PTCHD4: variants seen among roughly 807,000 people sequenced by gnomAD.
PTCHD4 encodes the protein patched domain-containing protein 4.
A neutral mutation model predicts 58.1 loss-of-function variants in PTCHD4; 33 were observed. The ratio of observed to expected loss-of-function variants is 0.57; its 90% confidence interval spans 0.43 to 0.76. The LOEUF is 0.76. Among genes scored for constraint, PTCHD4 ranks in the 30% least tolerant of loss-of-function variants. The pLI is 0.00. For synonymous variants in PTCHD4, 478 were observed against 409.6 expected, an observed-to-expected ratio of 1.17 and a Z score of -2.02; for missense variants, 1,058 against 1,027.1, an observed-to-expected ratio of 1.03 and a Z score of -0.41.
chr6:47,959,951 T>C (rs893808898), intron 4 of PTCHD4, among the ~76,000 whole-genome samples: 2 of 152,076 alleles, frequency 1.3e-5, no homozygotes, highest in Non-Finnish European at 2.9e-5. Context: ...CCCAGAGTTT[T>C]TCTTCTTATT....
At chr6:48,088,196 T>C (rs1765298404) in intron 1 of PTCHD4, among the ~76,000 whole-genome samples, 1 of 152,178 alleles carries the variant, frequency 6.6e-6, no homozygotes, top group Non-Finnish European at 1.5e-5. Context: ...CAATATTCTT[T>C]GTGTTTTTTA....
At chr6:48,062,838 A>G (rs1241455292) in intron 3 of PTCHD4, among the ~76,000 whole-genome samples, 3 of 152,176 alleles carry the variant, frequency 2.0e-5, no homozygotes, top group African/African-American at 7.2e-5. Flanking sequence ...ATGTGGTAGA[A>G]TGGTACCTAA....
At chr6:47,996,332 G>C (rs993067641) in intron 4 of PTCHD4, among the ~76,000 whole-genome samples, 2 of 152,062 alleles carry the variant, frequency 1.3e-5, no homozygotes, top group Non-Finnish European at 2.9e-5. Flanking sequence ...AAAATTAGCC[G>C]GGTGTGGTGT....
At position 47,858,283 on chromosome 6, in the gene PTCHD4, T is replaced by A. The variant is rs1158302680; in HGVS notation, c.*20020A>T. On this transcript the variant is annotated 3_prime_UTR_variant, in exon 5 of 5. Coordinates refer to ENST00000339488, the MANE Select transcript of PTCHD4 (RefSeq NM_001384253.1). Reference sequence around the variant, plus strand: ...ATAAGAAGAAAATCTGATTTGAGTTTATCATATTCACCTTACTCCATTAAT... The same window carrying A: ...ATAAGAAGAAAATCTGATTTGAGTTAATCATATTCACCTTACTCCATTAAT... Among the ~76,000 whole-genome samples the A allele has an allele frequency of 2.0e-5, 3 of 152,058 alleles. No homozygotes were observed. Among genetic ancestry groups the A allele is most frequent in the African/African-American group, 7.2e-5 (3 of 41,444 alleles).
At chr6:47,961,596 C>T (rs1410179294) in intron 4 of PTCHD4, among the ~76,000 whole-genome samples, 3 of 151,974 alleles carry the variant, frequency 2.0e-5, no homozygotes, top group Non-Finnish European at 4.4e-5. Context: ...GCCTGGCTAA[C>T]AAAGTAAATT....
chr6:48,106,381 A>T (rs1037526482), intron 1 of PTCHD4, among the ~76,000 whole-genome samples: 1 of 152,072 alleles, frequency 6.6e-6, no homozygotes, highest in Non-Finnish European at 1.5e-5. Context: ...TGCAGAAAAG[A>T]CCTTTGACAA....
chr6:47,967,662 G>T (rs1463899897), intron 4 of PTCHD4, among the ~76,000 whole-genome samples: 1 of 152,178 alleles, frequency 6.6e-6, no homozygotes, highest in Non-Finnish European at 1.5e-5. Flanking sequence ...TGGATAACTT[G>T]CTGCAGCACT....
At chr6:47,885,600 T>A (rs1764167013) in intron 4 of PTCHD4, among the ~76,000 whole-genome samples, 2 of 152,202 alleles carry the variant, frequency 1.3e-5, no homozygotes, top group Admixed American at 1.3e-4. Flanking sequence ...CACTCAGAAC[T>A]GGTTATAATT....
At position 47,867,236 on chromosome 6, in the gene PTCHD4, A is replaced by T. The variant is rs1204302020; in HGVS notation, c.*11067T>A. ...CAATCCATGTCAGTCTCTTACTCTC[A>T]CACTTTGAGGGCTTTTGTGCCAGAA... On this transcript the variant is annotated 3_prime_UTR_variant, in exon 5 of 5. Transcript: ENST00000339488. Among the ~76,000 whole-genome samples the T allele has an allele frequency of 1.3e-5, 2 of 151,776 alleles. No individual in the cohort carries two copies. The highest frequency in any genetic ancestry group is 4.8e-5 in the African/African-American group (2 of 41,372).
intron 4 of PTCHD4, among the ~76,000 whole-genome samples, chr6:47,918,363 C>G (rs1765325406): frequency 6.6e-6 from 1 of 152,008 alleles, no homozygotes; most frequent in Non-Finnish European, 1.5e-5. Context: ...TAACTCTAAA[C>G]TAGAAAAAAA....
chr6:47,924,576 G>A lies in PTCHD4; in HGVS notation c.899-44640C>T, dbSNP rs531149207. On this transcript the variant is annotated intron_variant, in intron 4 of 4. Coordinates refer to ENST00000339488, the MANE Select transcript of PTCHD4 (RefSeq NM_001384253.1). The stretch of plus-strand genomic sequence containing the variant: ...GGAACATAATGTCTCCCTTATAGAC[G>A]TGTAAGGATTACAGACATGAGGTAT... 3.9e-5 allele frequency among the ~76,000 whole-genome samples: 6 copies of A among 152,156 alleles called. No homozygotes were observed. The South Asian group carries it at 6.2e-4, about 16-fold the overall frequency.
At chr6:47,894,838 A>G (rs1764486127) in intron 4 of PTCHD4, among the ~76,000 whole-genome samples, 1 of 152,228 alleles carries the variant, frequency 6.6e-6, no homozygotes, top group Non-Finnish European at 1.5e-5. Flanking sequence ...TTCATCAAGA[A>G]AGAATAATAA....
intron 3 of PTCHD4, among the ~76,000 whole-genome samples, chr6:48,056,983 C>T (rs1764428826): frequency 6.6e-6 from 1 of 151,994 alleles, no homozygotes; most frequent in Non-Finnish European, 1.5e-5. Flanking sequence ...ATACTTAAAC[C>T]AAAAAGTTAT....
At chr6:47,895,826 A>G (rs904223506) in intron 4 of PTCHD4, among the ~76,000 whole-genome samples, 2 of 152,096 alleles carry the variant, frequency 1.3e-5, no homozygotes, top group African/African-American at 2.4e-5. Flanking sequence ...TGGAGATAGT[A>G]GCATGGTATG....
intron 3 of PTCHD4, among the ~76,000 whole-genome samples, chr6:48,049,806 G>C (rs142412442): frequency 8.6e-5 from 13 of 151,998 alleles, no homozygotes; most frequent in African/African-American, 3.1e-4. Context: ...ATTACTATCA[G>C]TAAGGACTCC....
Position 48,008,818 on chromosome 6 carries a change from G to T in PTCHD4, c.714C>A (p.Leu238=), listed in dbSNP as rs267601057. 5.6e-6 allele frequency: 9 copies of T among 1,613,980 alleles called. No individual in the cohort carries two copies. The South Asian group carries it at 9.9e-5, about 18-fold the overall frequency. ...GGGTGGCTGTGGTCAGGATCAGCAC[G>T]AGGCTCACCAGGACCTTGCTTCTGG... ...ILARSKVLVS[L]VLILTTATLS... is the part of the protein sequence containing the mutation. Residue 238 remains leucine, a synonymous_variant, in exon 4 of 5, where the codon CTC becomes CTA. Transcript: ENST00000339488.
intron 4 of PTCHD4, among the ~76,000 whole-genome samples, chr6:47,907,419 C>T (rs532230432): frequency 6.6e-6 from 1 of 152,210 alleles, no homozygotes; most frequent in East Asian, 1.9e-4. Flanking sequence ...TTATAAAACC[C>T]TGGCCATAAT....
chr6:48,039,463 G>A (rs1278355644), intron 3 of PTCHD4, among the ~76,000 whole-genome samples: 1 of 152,130 alleles, frequency 6.6e-6, no homozygotes, highest in Non-Finnish European at 1.5e-5. Context: ...GTGAAAGTAT[G>A]TTTCTGGGGA....
chr6:47,925,038 T>G (rs1412964141), intron 4 of PTCHD4, among the ~76,000 whole-genome samples: 1 of 149,708 alleles, frequency 6.7e-6, no homozygotes, highest in African/African-American at 2.4e-5. Context: ...TATATGTATA[T>G]GTATAGCGCT....
Sources: allele counts gnomAD v4.1 joint callset (sites outside exome capture counted in the v4.1 genomes callset), GRCh38; gene constraint gnomAD v4.1.1; transcripts MANE v1.5; gene names NCBI Gene and HGNC (gene_info 2026-07-23, HGNC 2026-07-21).